PATJ: variants seen among roughly 807,000 people sequenced by gnomAD.
The protein encoded by PATJ is inaD-like protein.
Under a neutral mutation model 224.9 loss-of-function variants are expected in PATJ, and 190 were observed. The ratio of observed to expected loss-of-function variants is 0.84; its 90% confidence interval spans 0.75 to 0.95. PATJ has a LOEUF of 0.95. Ranked by LOEUF, PATJ falls within the 40% of genes least tolerant of loss-of-function variation. PATJ has a pLI of 0.00. For missense variants in PATJ, 2,121 were observed against 2,270.3 expected, an observed-to-expected ratio of 0.93 and a Z score of 1.34; for synonymous variants, 769 against 820.3, an observed-to-expected ratio of 0.94 and a Z score of 1.07.
chr1:61,954,666 T>C (rs1680177466), intron 27 of PATJ, among the ~76,000 whole-genome samples: 1 of 152,126 alleles, frequency 6.6e-6, no homozygotes, highest in Admixed American at 6.6e-5. Context: ...CACTCCTAAG[T>C]TTCTATCATG....
At chr1:61,872,490 A>G (rs1666780790) in intron 20 of PATJ, among the ~76,000 whole-genome samples, 1 of 152,230 alleles carries the variant, frequency 6.6e-6, no homozygotes, top group South Asian at 2.1e-4. Context: ...TGAGGAATTT[A>G]GAAGCAATTA....
At chr1:61,966,433 C>T (rs1682154653) in intron 27 of PATJ, among the ~76,000 whole-genome samples, 2 of 152,048 alleles carry the variant, frequency 1.3e-5, no homozygotes, top group Admixed American at 1.3e-4. Flanking sequence ...CACCTGTAAT[C>T]CCAGCACTTT....
chr1:61,904,658 A>T (rs1344177092), intron 24 of PATJ, among the ~76,000 whole-genome samples: 4 of 152,312 alleles, frequency 2.6e-5, no homozygotes, highest in African/African-American at 9.6e-5. Flanking sequence ...GGTTTAATTG[A>T]CTCACAGTTC....
intron 31 of PATJ, among the ~76,000 whole-genome samples, chr1:62,062,793 GTGTA>G (rs1252746050): frequency 6.6e-6 from 1 of 152,108 alleles, no homozygotes; most frequent in Non-Finnish European, 1.5e-5. Context: ...CACTGTCCAG[GTGTA>G]TGTCTTCTTT....
At chr1:62,019,592 C>T (rs1475066326) in intron 29 of PATJ, among the ~76,000 whole-genome samples, 1 of 151,634 alleles carries the variant, frequency 6.6e-6, no homozygotes, top group Non-Finnish European at 1.5e-5. Context: ...TCTAGTTTTT[C>T]ACTCTATTTT....
intron 20 of PATJ, among the ~76,000 whole-genome samples, chr1:61,869,048 T>A (rs187291445): frequency 1.6e-3 from 235 of 151,478 alleles, no homozygotes; most frequent in African/African-American, 5.4e-3. Context: ...AACAACTAGG[T>A]TTGTTTAGGA....
intron 30 of PATJ, among the ~76,000 whole-genome samples, chr1:62,044,132 A>T (rs746581087): frequency 6.6e-6 from 1 of 152,198 alleles, no homozygotes; most frequent in African/African-American, 2.4e-5. Flanking sequence ...GTTGAAATCT[A>T]CTTTCTTAGA....
At chr1:61,833,925 GT>G in intron 17 of PATJ, 140 bp downstream of exon 17, 1 of 652,740 alleles carries the variant, frequency 1.5e-6, no homozygotes, top group Non-Finnish European at 2.5e-6. Context: ...ACTTTCAATT[GT>G]TACCTTTAAA....
intron 41 of PATJ, among the ~76,000 whole-genome samples, chr1:62,131,416 A>G (rs1055585401): frequency 6.6e-6 from 1 of 152,168 alleles, no homozygotes; most frequent in African/African-American, 2.4e-5. Flanking sequence ...CTCCCTTAGC[A>G]AAATCTAGTA....
intron 33 of PATJ, among the ~76,000 whole-genome samples, chr1:62,092,058 A>G (rs549491412): frequency 5.3e-4 from 80 of 151,574 alleles, no homozygotes; most frequent in African/African-American, 1.9e-3. Flanking sequence ...TCTCAAAAAA[A>G]AAAAAAAAAG....
chr1:62,075,656 C>T (rs1012459007), intron 31 of PATJ, among the ~76,000 whole-genome samples: 3 of 152,116 alleles, frequency 2.0e-5, no homozygotes, highest in Non-Finnish European at 2.9e-5. Context: ...CAGTGGCTCA[C>T]GCCTGTAATC....
intron 25 of PATJ, among the ~76,000 whole-genome samples, chr1:61,914,098 A>G (rs1673076347): frequency 6.6e-6 from 1 of 152,188 alleles, no homozygotes; most frequent in Admixed American, 6.5e-5. Flanking sequence ...TACTTCTCAT[A>G]CTTTTACTCT....
At chr1:62,137,526 T>C (rs61530809) in intron 41 of PATJ, among the ~76,000 whole-genome samples, 110 of 1,270 alleles carry the variant, frequency 0.087, no homozygotes, top group African/African-American at 0.15. Context: ...GGCACAGCAG[T>C]CTGAGGGGGA....
intron 33 of PATJ, among the ~76,000 whole-genome samples, chr1:62,085,654 G>T: frequency 6.6e-6 from 1 of 151,546 alleles, no homozygotes; most frequent in Admixed American, 6.6e-5. Context: ...TCTCTACAAA[G>T]AAAATTTTTT....
intron 1 of PATJ, among the ~76,000 whole-genome samples, chr1:61,757,344 T>C (rs1645707348): frequency 1.3e-5 from 2 of 151,994 alleles, no homozygotes; most frequent in Non-Finnish European, 1.5e-5. Flanking sequence ...AATGCTGAGA[T>C]TACAGGTGTG....
intron 17 of PATJ, among the ~76,000 whole-genome samples, chr1:61,847,718 C>G (rs1662185734): frequency 6.6e-6 from 1 of 152,284 alleles, no homozygotes; most frequent in African/African-American, 2.4e-5. Flanking sequence ...ATTTCTCTTT[C>G]CCAAAAGTAA....
chr1:61,841,498 T>C (rs1372126085), intron 17 of PATJ, among the ~76,000 whole-genome samples: 2 of 152,006 alleles, frequency 1.3e-5, no homozygotes, highest in East Asian at 1.9e-4. Context: ...ATCTAAAATA[T>C]AAAGGATAGG....
In PATJ at chr1:61,985,074, G is replaced by A. The variant is rs1011869327; in HGVS notation, c.3671-5094G>A. 3.3e-5 allele frequency among the ~76,000 whole-genome samples: 5 copies of A among 152,194 alleles called. No individual in the cohort carries two copies. In the East Asian group the frequency reaches 9.7e-4, roughly 29 times the overall value. ...ACGCCTAATAATCCCAGCACTTTGG[G>A]AGGCCGTTGTGGGCGGATCACAAGG... On this transcript the variant is annotated intron_variant, in intron 27 of 43. Transcript: ENST00000642238.
chr1:61,985,471 A>G (rs1313554802), intron 27 of PATJ, among the ~76,000 whole-genome samples: 2 of 152,058 alleles, frequency 1.3e-5, no homozygotes, highest in African/African-American at 4.8e-5. Context: ...AACATTTACT[A>G]TTTTACCGTC....
Sources: gnomAD v4.1 joint callset for allele counts (sites outside exome capture counted in the v4.1 genomes callset) on GRCh38, gnomAD v4.1.1 for gene constraint, MANE v1.5 for transcripts, NCBI Gene and HGNC (gene_info 2026-07-23, HGNC 2026-07-21) for gene names.